Variants in WASHC5 observed in about 807,000 individuals in gnomAD.
WASHC5 encodes WASH complex subunit 5.
Under a neutral mutation model 150.4 loss-of-function variants are expected in WASHC5, and 101 were observed. The observed-to-expected ratio is 0.67, with a 90% CI of 0.57 to 0.79. The LOEUF (loss-of-function observed/expected upper bound fraction) is 0.79. WASHC5 is among the 30% of genes least tolerant of loss of function. The pLI is 0.00. For synonymous variants in WASHC5, 467 were observed against 491.2 expected, an observed-to-expected ratio of 0.95 and a Z score of 0.65; for missense variants, 1,195 against 1,396.3, an observed-to-expected ratio of 0.86 and a Z score of 2.30.
intron 1 of WASHC5, among the ~76,000 whole-genome samples, chr8:125,084,280 T>G (rs1817354816): frequency 6.6e-6 from 1 of 152,212 alleles, no homozygotes; most frequent in African/African-American, 2.4e-5. Context: ...CTCATCTCTG[T>G]GCTAGGGAGA....
chr8:125,061,073 T>A lies in WASHC5; in HGVS notation c.1521+9A>T. On this transcript the variant is annotated intron_variant, in intron 12 of 28. Transcript: ENST00000318410. ...TCCAAGAACCTGCATTTAAAAAGCG[T>A]TTCCTTACCTCTTCCAAAGCTTGTA... The A allele has an allele frequency of 6.5e-7, 1 of 1,534,356 alleles. No individual in the cohort carries two copies. The highest frequency in any genetic ancestry group is 9.0e-7 in the Non-Finnish European group (1 of 1,107,816).
chr8:125,068,020 CTA>C (rs1285195657), intron 9 of WASHC5, among the ~76,000 whole-genome samples: 1 of 152,218 alleles, frequency 6.6e-6, no homozygotes, highest in Non-Finnish European at 1.5e-5. Flanking sequence ...TAGCAACTGT[CTA>C]AAACGAATGG....
intron 7 of WASHC5, 22 bp downstream of exon 7, chr8:125,076,326 G>A (rs1817058779): frequency 6.2e-6 from 10 of 1,611,510 alleles, no homozygotes; most frequent in Non-Finnish European, 8.5e-6. Flanking sequence ...TACTGTAGAG[G>A]AAAAAAATTA....
At position 125,050,680 on chromosome 8, in the gene WASHC5, A is replaced by G. The variant is rs776843035; in HGVS notation, c.2098-15T>C. 3 of 1,598,598 alleles carry G rather than the reference A, an allele frequency of 1.9e-6. No homozygotes were observed. Among genetic ancestry groups the G allele is most frequent in the Non-Finnish European group, 1.7e-6 (2 of 1,166,032 alleles). On this transcript the variant is annotated splice_polypyrimidine_tract_variant and intron_variant, in intron 17 of 28. Coordinates refer to ENST00000318410, the MANE Select transcript of WASHC5 (RefSeq NM_014846.4). The stretch of plus-strand genomic sequence containing the variant: ...TTTGGATCCACCTAAGTGCCAATCA[A>G]AAGTATTAAATGATAGTTACGAAAA...
chr8:125,088,133 T>C (rs1414110530), intron 1 of WASHC5, among the ~76,000 whole-genome samples: 1 of 152,048 alleles, frequency 6.6e-6, no homozygotes, highest in Non-Finnish European at 1.5e-5. Context: ...TAAGCTGACT[T>C]ACTGACTCCC....
intron 23 of WASHC5, among the ~76,000 whole-genome samples, chr8:125,043,296 A>C (rs2130015338): frequency 6.6e-6 from 1 of 152,370 alleles, no homozygotes; most frequent in South Asian, 2.1e-4. Flanking sequence ...TGGATTCTAA[A>C]ATAAGTTAGA....
chr8:125,058,966 T>TA (rs959714487), intron 14 of WASHC5, among the ~76,000 whole-genome samples: 5 of 151,246 alleles, frequency 3.3e-5, no homozygotes, highest in East Asian at 3.9e-4. Context: ...AGATAAAACT[T>TA]AAAAAAAAAT....
intron 27 of WASHC5, among the ~76,000 whole-genome samples, chr8:125,029,185 G>A (rs746857522): frequency 1.3e-5 from 2 of 152,202 alleles, no homozygotes; most frequent in Admixed American, 1.3e-4. Flanking sequence ...ATGCACGCCA[G>A]CATGCCTGGC....
At chr8:125,058,792 A>G (rs1816496280) in intron 14 of WASHC5, among the ~76,000 whole-genome samples, 1 of 152,152 alleles carries the variant, frequency 6.6e-6, no homozygotes, top group South Asian at 2.1e-4. Context: ...TGAAATTACC[A>G]TGAGAGCAAG....
chr8:125,050,591 C>G lies in WASHC5; in HGVS notation c.2172G>C (p.Arg724Ser). 3 of 1,614,108 alleles carry G rather than the reference C, an allele frequency of 1.9e-6. No homozygotes were observed. The highest frequency in any genetic ancestry group is 2.5e-6 in the Non-Finnish European group (3 of 1,179,958). Residue 724 changes from arginine (R) to serine (S), a missense_variant, in exon 18 of 29, where the codon AGG (arginine) becomes AGC (serine). By Grantham distance (110) the Arg-to-Ser change is moderately radical (BLOSUM62 -1). Transcript: ENST00000318410. ...LVKRVAFALHRGLIFNPRAKP... is the reference protein window; with the variant it reads ...LVKRVAFALHSGLIFNPRAKP... ...TGGCTCGAGGGTTGAATATCAGTCC[C>G]CTATGCAGGGCAAAGGCAACGCGCT...
At chr8:125,039,069 A>AAAAT in intron 24 of WASHC5, 110 bp from the exon 25 acceptor site, 1 of 1,205,816 alleles carries the variant, frequency 8.3e-7, no homozygotes, top group Non-Finnish European at 1.2e-6. Flanking sequence ...CCTCATCTGT[A>AAAAT]AAATGAGAGC....
At chr8:125,088,185 T>A (rs191095860) in intron 1 of WASHC5, among the ~76,000 whole-genome samples, 26 of 152,212 alleles carry the variant, frequency 1.7e-4, no homozygotes, top group African/African-American at 5.8e-4. Flanking sequence ...GACTCACTCC[T>A]GTAATTCCAG....
At chr8:125,056,041 A>G (rs376753803) in intron 16 of WASHC5, among the ~76,000 whole-genome samples, 2 of 152,188 alleles carry the variant, frequency 1.3e-5, no homozygotes, top group South Asian at 4.1e-4. Flanking sequence ...GCAGACATTG[A>G]TAAGGTAGGC....
intron 12 of WASHC5, among the ~76,000 whole-genome samples, chr8:125,060,682 T>C (rs902520172): frequency 3.3e-5 from 5 of 152,200 alleles, no homozygotes; most frequent in African/African-American, 4.8e-5. Flanking sequence ...ATGACCATTA[T>C]ATAATTATTT....
chr8:125,045,707 A>C (rs1351885838), intron 20 of WASHC5, among the ~76,000 whole-genome samples: 1 of 152,182 alleles, frequency 6.6e-6, no homozygotes, highest in Non-Finnish European at 1.5e-5. Flanking sequence ...GGAGAACAAA[A>C]CAAGAGGATT....
chr8:125,064,624 A>G (rs1290034749), intron 10 of WASHC5, among the ~76,000 whole-genome samples: 1 of 151,310 alleles, frequency 6.6e-6, no homozygotes, highest in Non-Finnish European at 1.5e-5. Context: ...TTTTTTTCTG[A>G]AACAAACTTA....
intron 1 of WASHC5, among the ~76,000 whole-genome samples, chr8:125,088,335 G>C (rs555425411): frequency 6.7e-6 from 1 of 148,962 alleles, no homozygotes; most frequent in East Asian, 2.1e-4. Flanking sequence ...TGAGGCAGGA[G>C]AATTGCTTAA....
At chr8:125,049,379 C>T (rs935099795) in intron 18 of WASHC5, among the ~76,000 whole-genome samples, 194 bp from the exon 19 acceptor site, 55 of 140,160 alleles carry the variant, frequency 3.9e-4, no homozygotes, top group African/African-American at 1.2e-3. Context: ...GCCAACGTTG[C>T]GAAACCCTGA....
chr8:125,073,524 A>G (rs541405560), intron 8 of WASHC5, among the ~76,000 whole-genome samples, 200 bp from the exon 9 acceptor site: 23 of 152,262 alleles, frequency 1.5e-4, no homozygotes, highest in African/African-American at 5.3e-4. Flanking sequence ...AAACTTTAAC[A>G]TTTTTATATA....
Sources: gnomAD v4.1 joint callset for allele counts (sites outside exome capture counted in the v4.1 genomes callset) on GRCh38, gnomAD v4.1.1 for gene constraint, MANE v1.5 for transcripts, NCBI Gene and HGNC (gene_info 2026-07-23, HGNC 2026-07-21) for gene names.